The following GLCE variants were observed in gnomAD, a reference collection of about 807,000 sequenced individuals.
GLCE encodes the protein glucuronic acid epimerase.
GLCE carries 19 observed loss-of-function variants against 47.9 expected under a neutral mutation model. That is an observed-to-expected ratio of 0.40 (90% CI 0.28 to 0.58). GLCE has a LOEUF of 0.58. Ranked by LOEUF, GLCE falls within the 20% of genes least tolerant of loss-of-function variation. The pLI, the probability that GLCE is intolerant of heterozygous loss-of-function variation, is 0.48. For synonymous variants in GLCE, 245 were observed against 263.4 expected, an observed-to-expected ratio of 0.93 and a Z score of 0.68; for missense variants, 556 against 743.3, an observed-to-expected ratio of 0.75 and a Z score of 2.93.
At chr15:69,223,460 C>T (rs574622547) in intron 2 of GLCE, among the ~76,000 whole-genome samples, 1 of 152,212 alleles carries the variant, frequency 6.6e-6, no homozygotes, top group East Asian at 1.9e-4. Context: ...TCTTGAGAGT[C>T]CCTTGTATAT....
At chr15:69,217,018 T>G (rs2052316735) in intron 2 of GLCE, among the ~76,000 whole-genome samples, 1 of 152,130 alleles carries the variant, frequency 6.6e-6, no homozygotes, top group Non-Finnish European at 1.5e-5. Flanking sequence ...TAAGCGTACC[T>G]CTTTAAATGT....
At chr15:69,167,423 A>G (rs1399113383) in intron 1 of GLCE, among the ~76,000 whole-genome samples, 1 of 152,218 alleles carries the variant, frequency 6.6e-6, no homozygotes, top group South Asian at 2.1e-4. Flanking sequence ...TGCCTGAAGC[A>G]CATGGTTCCC....
At position 69,261,046 on chromosome 15, in the gene GLCE, T is replaced by C. The variant is rs748787270; in HGVS notation, c.587-41T>C. ...AATGGTATTAGGAATAGGCTTGTAA[T>C]GTCTGGATATGATTATTCATTTTGT... On this transcript the variant is annotated intron_variant, in intron 3 of 4. Transcript: ENST00000261858. 3 of 1,574,730 alleles carry C rather than the reference T, an allele frequency of 1.9e-6. No homozygotes were observed. The African/African-American group carries it at 4.0e-5, about 21-fold the overall frequency.
chr15:69,253,335 G>A (rs997503146), intron 2 of GLCE, among the ~76,000 whole-genome samples: 1 of 152,228 alleles, frequency 6.6e-6, no homozygotes, highest in Non-Finnish European at 1.5e-5. Flanking sequence ...CACTCACCCT[G>A]TGGGAACACT....
chr15:69,194,943 C>G (rs185504408), intron 1 of GLCE, among the ~76,000 whole-genome samples: 3 of 152,098 alleles, frequency 2.0e-5, no homozygotes, highest in Non-Finnish European at 4.4e-5. Context: ...TCTTTAATTA[C>G]TGGGTGAGGT....
chr15:69,226,418 A>G (rs564041604), intron 2 of GLCE, among the ~76,000 whole-genome samples: 1 of 152,322 alleles, frequency 6.6e-6, no homozygotes, highest in African/African-American at 2.4e-5. Flanking sequence ...TGTCTGTCCT[A>G]CAAGTGTACA....
intron 2 of GLCE, among the ~76,000 whole-genome samples, chr15:69,246,439 T>C (rs1185270674): frequency 1.3e-5 from 2 of 152,150 alleles, no homozygotes; most frequent in East Asian, 1.9e-4. Flanking sequence ...GAAAGTTGGC[T>C]GGGTGTGGTG....
chr15:69,192,603 G>A (rs970550259), intron 1 of GLCE, among the ~76,000 whole-genome samples: 3 of 151,596 alleles, frequency 2.0e-5, no homozygotes, highest in African/African-American at 2.4e-5. Context: ...GTTTTTTATC[G>A]AATGCTCATT....
In GLCE at chr15:69,268,855, G is replaced by C; in HGVS notation, c.1465G>C (p.Val489Leu). Residue 489 changes from valine (V) to leucine (L), a missense_variant, in exon 5 of 5, where the codon GTG becomes CTG. Val to Leu is a conservative substitution (Grantham distance 32, BLOSUM62 1). Coordinates refer to ENST00000261858, the MANE Select transcript of GLCE (RefSeq NM_015554.3). ...FLSEQHGVKA[V>L]FMNKHDWYEE... ...ATCTGAGCAGCATGGAGTTAAAGCT[G>C]TGTTTATGAATAAACATGACTGGTA... 1 of 1,614,134 alleles carries C rather than the reference G, an allele frequency of 6.2e-7. No individual in the cohort carries two copies. The highest frequency in any genetic ancestry group is 8.5e-7 in the Non-Finnish European group (1 of 1,179,990).
Position 69,221,848 on chromosome 15 carries a change from G to C in GLCE, c.-14+11442G>C, listed in dbSNP as rs550505984. On this transcript the variant is annotated intron_variant, in intron 2 of 4. Coordinates refer to ENST00000261858, the MANE Select transcript of GLCE (RefSeq NM_015554.3). The stretch of plus-strand genomic sequence containing the variant: ...ACTGTACTCTAGCCAGGGCAACAGA[G>C]TGAGACGCTGTCTCAAAAAAAAAAA... Among the ~76,000 whole-genome samples the C allele has an allele frequency of 6.8e-5, 9 of 131,564 alleles. No individual in the cohort carries two copies. The East Asian group carries it at 2.0e-3, about 29-fold the overall frequency. The allele number at this position is 131,564 out of a possible 152,430, so 86.3% of individuals were successfully genotyped here. A position where few individuals can be genotyped will look rare whatever the true frequency, so the allele number is the denominator to read the frequency against.
chr15:69,254,055 G>A (rs889096336), intron 2 of GLCE, among the ~76,000 whole-genome samples: 5 of 152,096 alleles, frequency 3.3e-5, no homozygotes, highest in South Asian at 2.1e-4. Flanking sequence ...CTTGAGAAAC[G>A]GAAGTTTAGC....
At chr15:69,200,810 C>A (rs1306772689) in intron 1 of GLCE, among the ~76,000 whole-genome samples, 3 of 152,100 alleles carry the variant, frequency 2.0e-5, no homozygotes, top group Non-Finnish European at 4.4e-5. Context: ...TTCTGTGAGT[C>A]AGTAGGCCAA....
At chr15:69,194,769 TTTTC>T (rs2051961532) in intron 1 of GLCE, among the ~76,000 whole-genome samples, 1 of 152,126 alleles carries the variant, frequency 6.6e-6, no homozygotes, top group Non-Finnish European at 1.5e-5. Context: ...CTTGACTCAA[TTTTC>T]TTTATTTTTA....
intron 1 of GLCE, among the ~76,000 whole-genome samples, chr15:69,201,395 G>T (rs555832978): frequency 3.2e-4 from 48 of 151,952 alleles, no homozygotes; most frequent in Non-Finnish European, 3.4e-4. Context: ...AGTGCTTGCT[G>T]TGTCTAGTCA....
At chr15:69,250,391 G>T (rs185616548) in intron 2 of GLCE, among the ~76,000 whole-genome samples, 1 of 150,396 alleles carries the variant, frequency 6.6e-6, no homozygotes, top group Non-Finnish European at 1.5e-5. Context: ...TACCATCCCC[G>T]CCCCTCTGAA....
intron 1 of GLCE, among the ~76,000 whole-genome samples, chr15:69,203,788 G>A (rs897093621): frequency 1.3e-5 from 2 of 151,868 alleles, no homozygotes; most frequent in East Asian, 3.9e-4. Flanking sequence ...TTGCTGATTG[G>A]CTTTAAAAAA....
chr15:69,201,764 T>TGA (rs1032784085), intron 1 of GLCE, among the ~76,000 whole-genome samples: 2 of 151,774 alleles, frequency 1.3e-5, no homozygotes, highest in African/African-American at 4.8e-5. Flanking sequence ...AATCCAGACT[T>TGA]AGAGGACAAT....
intron 2 of GLCE, among the ~76,000 whole-genome samples, chr15:69,245,882 C>T (rs1465005821): frequency 1.3e-5 from 2 of 152,140 alleles, no homozygotes; most frequent in Non-Finnish European, 1.5e-5. Context: ...GTGCCCACCA[C>T]CACGCCCGGC....
chr15:69,202,551 T>C (rs2052090888), intron 1 of GLCE, among the ~76,000 whole-genome samples: 1 of 152,072 alleles, frequency 6.6e-6, no homozygotes, highest in African/African-American at 2.4e-5. Context: ...TAAAAGACAG[T>C]TATTTGTAGT....
Sources: allele counts gnomAD v4.1 joint callset (sites outside exome capture counted in the v4.1 genomes callset), GRCh38; gene constraint gnomAD v4.1.1; transcripts MANE v1.5; gene names NCBI Gene and HGNC (gene_info 2026-07-23, HGNC 2026-07-21).